GZMM: variants seen among roughly 807,000 people sequenced by gnomAD.
GZMM encodes HU-Met-1.
In GZMM, 23 loss-of-function variants were observed where a neutral mutation model predicts 19.2. The ratio of observed to expected loss-of-function variants is 1.20; its 90% CI spans 0.86 to 1.69. The LOEUF is 1.69. GZMM is among the 40% of genes most tolerant of loss of function. GZMM has a pLI of 0.00. For synonymous variants in GZMM, 178 were observed against 160.2 expected (o/e 1.11, Z -0.84); for missense variants, 373 against 352.2 (o/e 1.06, Z -0.47).
intron 4 of GZMM, 31 bp from the exon 5 acceptor site, chr19:549,599 G>A: frequency 6.3e-7 from 1 of 1,599,884 alleles, no homozygotes; most frequent in Non-Finnish European, 8.5e-7. Flanking sequence ...AGCAGGTGCA[G>A]AGGCTGAGCT....
At chr19:547,251 A>T in intron 1 of GZMM, 29 bp from the exon 2 acceptor site, 1 of 1,483,844 alleles carries the variant, frequency 6.7e-7, no homozygotes. Context: ...TGTAGCCCCA[A>T]CCTGGCTCTT....
At chr19:548,494 C>T (rs767765845) in intron 2 of GZMM, 48 bp from the exon 3 acceptor site, 54 of 1,591,120 alleles carry the variant, frequency 3.4e-5, no homozygotes, top group South Asian at 2.5e-4. Flanking sequence ...TGTGGCGGGT[C>T]GTCCACGCCG....
At position 549,580 on chromosome 19, in the gene GZMM, C is replaced by T. The variant is rs199678590; in HGVS notation, c.613-50C>T. 1.9e-4 allele frequency: 301 copies of T among 1,563,274 alleles called. 5 individuals are homozygous for T. In the East Asian group the frequency reaches 5.9e-3, roughly 31 times the overall value. ...TCCCCTCGGCGGGCCCTGCTCCCCTCGTCCCCTCAGCAGGTGCAGAGGCTG... is the reference window on the plus strand; with the variant it reads ...TCCCCTCGGCGGGCCCTGCTCCCCTTGTCCCCTCAGCAGGTGCAGAGGCTG... On this transcript the variant is annotated intron_variant, in intron 4 of 4. Coordinates refer to ENST00000264553, the MANE Select transcript of GZMM (RefSeq NM_005317.4).
chr19:549,229 A>G, intron 4 of GZMM, 44 bp downstream of exon 4: 2 of 1,518,634 alleles, frequency 1.3e-6, no homozygotes, highest in Middle Eastern at 2.2e-4. Flanking sequence ...GGCTGGCGGG[A>G]GGGCCGGGGC....
At chr19:548,426 G>A (rs1381688199) in intron 2 of GZMM, 116 bp from the exon 3 acceptor site, 7 of 1,006,436 alleles carry the variant, frequency 7.0e-6, no homozygotes, top group Admixed American at 6.5e-5. Context: ...GGCCTGTGAG[G>A]GGCAGCGGCT....
chr19:547,431 C>T lies in GZMM; in HGVS notation c.207C>T (p.Ala69=), dbSNP rs781655159. ...KWVLTAAHCL[A]QRMAQLRLVL... ...TGCTGACGGCTGCCCACTGCCTGGC[C>T]CAGCGGTGAGTACCCTGCCCTGCCC... Residue 69 remains alanine, a synonymous_variant, in exon 2 of 5, where the codon GCC becomes GCT. Coordinates refer to ENST00000264553, the MANE Select transcript of GZMM (RefSeq NM_005317.4). 6.2e-6 allele frequency: 9 copies of T among 1,456,628 alleles called. No homozygotes were observed. Among genetic ancestry groups the T allele is most frequent in the South Asian group, 4.3e-5 (3 of 70,404 alleles). 90.2% of individuals were successfully genotyped at this position (1,456,628 alleles called of 1,614,324 possible).
rs146879436 is a variant in GZMM, at chr19:548,266, G to A, written c.213-276G>A. 7.3e-3 allele frequency among the ~76,000 whole-genome samples: 1,114 copies of A among 152,312 alleles called. 17 individuals are homozygous for A. Among genetic ancestry groups the A allele is most frequent in the African/African-American group, 0.026 (1,071 of 41,558 alleles). On this transcript the variant is annotated intron_variant, in intron 2 of 4. Coordinates refer to ENST00000264553, the MANE Select transcript of GZMM (RefSeq NM_005317.4). Reference sequence around the variant, plus strand: ...AAGGGAATTCCCAGGGCTGGTTTTCGTGAAGCTGTAGGCTTGGGGTTGGAT... The same window carrying A: ...AAGGGAATTCCCAGGGCTGGTTTTCATGAAGCTGTAGGCTTGGGGTTGGAT...
rs145060399 is a variant in GZMM at position 547,331 on chromosome 19, C to A, written c.107C>A (p.Ser36Ter). ...GGGGGCCGGGAGGTGATCCCCCACTCGCGCCCGTACATGGCCTCACTGCAG... is the reference window on the plus strand; with the variant it reads ...GGGGGCCGGGAGGTGATCCCCCACTAGCGCCCGTACATGGCCTCACTGCAG... Reference protein sequence around the residue: ...IIGGREVIPHSRPYMASLQRN... With the variant: ...IIGGREVIPH The change falls in exon 2 of 5, where the codon TCG becomes TAG. Residue 36 changes from serine (S) to a stop codon, truncating the protein, a stop_gained. Transcript: ENST00000264553. LOFTEE classifies it high-confidence loss of function. 1.5e-5 allele frequency: 23 copies of A among 1,576,560 alleles called. 1 individual carries two copies. The South Asian group carries it at 2.5e-4, about 17-fold the overall frequency.
At chr19:547,667 C>G (rs779268883) in intron 2 of GZMM, among the ~76,000 whole-genome samples, 8 of 152,216 alleles carry the variant, frequency 5.3e-5, no homozygotes, top group Non-Finnish European at 1.0e-4. Flanking sequence ...CAGCCTGGGT[C>G]AGAGCCTGGC....
chr19:547,502 AG>A, intron 2 of GZMM, 66 bp downstream of exon 2: 1 of 1,215,064 alleles, frequency 8.2e-7, no homozygotes, highest in Non-Finnish European at 1.1e-6. Context: ...CATTCTCTGC[AG>A]GGGGTGGGCT....
Position 548,694 on chromosome 19 carries a change from C to A in GZMM, c.348+17C>A. On this transcript the variant is annotated intron_variant, in intron 3 of 4. Coordinates refer to ENST00000264553, the MANE Select transcript of GZMM (RefSeq NM_005317.4). ...CTGCTTCAGGTGTGCAGGGACGGGA[C>A]AGGGAGAACTGGGCACCCTCCTGTC... 1 of 1,611,226 alleles carries A rather than the reference C, an allele frequency of 6.2e-7. No homozygotes were observed. The highest frequency in any genetic ancestry group is 8.5e-7 in the Non-Finnish European group (1 of 1,179,110).
At chr19:548,176 T>G (rs1163997366) in intron 2 of GZMM, among the ~76,000 whole-genome samples, 2 of 152,146 alleles carry the variant, frequency 1.3e-5, no homozygotes, top group African/African-American at 2.4e-5. Flanking sequence ...TGGGGCACAC[T>G]TAGGAGGATT....
chr19:549,583 C>T, intron 4 of GZMM, 47 bp from the exon 5 acceptor site: 3 of 1,575,482 alleles, frequency 1.9e-6, no homozygotes, highest in Non-Finnish European at 2.6e-6. Context: ...CTCCCCTCGT[C>T]CCCTCAGCAG....
chr19:544,983 G>A (rs140176663), intron 1 of GZMM, among the ~76,000 whole-genome samples: 7 of 139,934 alleles, frequency 5.0e-5, no homozygotes, highest in Admixed American at 4.2e-4. Flanking sequence ...CCCTCCACCC[G>A]TCATCCTTCC....
intron 1 of GZMM, among the ~76,000 whole-genome samples, chr19:545,427 AGCCTCCGCCTCCTGGTTTCAAGC>A (rs1272510593): frequency 2.6e-5 from 4 of 152,180 alleles, no homozygotes; most frequent in Admixed American, 2.0e-4. Flanking sequence ...GGCTCACTGC[AGCCTCCGCCTCCTGGTTTCAAGC>A]GATTCTCCTG....
chr19:549,612 GGT>G lies in GZMM; in HGVS notation c.613-13_613-12del, dbSNP rs767256530. 1.0e-5 allele frequency: 16 copies of G among 1,605,704 alleles called. No individual in the cohort carries two copies. In the South Asian group the frequency reaches 1.1e-4, roughly 11 times the overall value. On this transcript the variant is annotated splice_polypyrimidine_tract_variant and intron_variant, in intron 4 of 4. Transcript: ENST00000264553. ...TCAGCAGGTGCAGAGGCTGAGCTGCGGTGTGTCGTCCCTGCAGGGTGACTCGG... is the reference window on the plus strand; with the variant it reads ...TCAGCAGGTGCAGAGGCTGAGCTGCGGTGTCGTCCCTGCAGGGTGACTCGG...
At position 549,803 on chromosome 19, in the gene GZMM, G is replaced by A; in HGVS notation, c.*12G>A. 1 of 1,395,344 alleles carries A rather than the reference G, an allele frequency of 7.2e-7. No homozygotes were observed. Among genetic ancestry groups the A allele is most frequent in the Non-Finnish European group, 9.6e-7 (1 of 1,043,032 alleles). 86.4% of individuals were successfully genotyped at this position (1,395,344 alleles called of 1,614,324 possible). ...GCCGATCGGCCTGATGCCCTGGGGT[G>A]ATGGGGACCCCCTCGCTGTCTCCAC... On this transcript the variant is annotated 3_prime_UTR_variant, in exon 5 of 5. Coordinates refer to ENST00000264553, the MANE Select transcript of GZMM (RefSeq NM_005317.4).
intron 1 of GZMM, among the ~76,000 whole-genome samples, chr19:545,965 A>G (rs1417424870): frequency 1.3e-5 from 2 of 151,986 alleles, no homozygotes; most frequent in Admixed American, 1.3e-4. Context: ...TTTTTAGTAC[A>G]GACGGGGTTT....
intron 4 of GZMM, 69 bp from the exon 5 acceptor site, chr19:549,561 C>A (rs1032400417): frequency 1.3e-6 from 2 of 1,482,154 alleles, no homozygotes; most frequent in East Asian, 2.4e-5. Context: ...CTGCTCCCCT[C>A]GGCGGGCCCT....
Sources: gnomAD v4.1 joint callset for allele counts (sites outside exome capture counted in the v4.1 genomes callset) on GRCh38, gnomAD v4.1.1 for gene constraint, MANE v1.5 for transcripts, NCBI Gene and HGNC (gene_info 2026-07-23, HGNC 2026-07-21) for gene names.